The following MRGPRF variants were observed in gnomAD, a reference collection of about 807,000 sequenced individuals.
MRGPRF encodes mas-related G protein-coupled receptor member F.
In MRGPRF, 2 loss-of-function variants were observed where a neutral mutation model predicts 3.3. The observed-to-expected ratio is 0.61, with a 90% confidence interval of 0.25 to 1.92. The LOEUF (loss-of-function observed/expected upper bound fraction) is 1.92. Ranked by LOEUF, MRGPRF falls within the 40% of genes most tolerant of loss-of-function variation. The pLI, the probability that MRGPRF is intolerant of heterozygous loss-of-function variation, is 0.16. For synonymous variants in MRGPRF, 242 were observed against 222.7 expected (o/e 1.09, Z -0.77); for missense variants, 500 against 476.0 (o/e 1.05, Z -0.47).
intron 2 of MRGPRF, among the ~76,000 whole-genome samples, chr11:69,006,619 C>CTTTTTTTT (rs11326908): frequency 5.6e-5 from 6 of 107,922 alleles, no homozygotes; most frequent in African/African-American, 1.1e-4. Flanking sequence ...GAGCCTTTCC[C>CTTTTTTTT]TTTTTTTTTT....
chr11:69,009,106 G>A (rs1860542676), intron 2 of MRGPRF, among the ~76,000 whole-genome samples: 1 of 152,252 alleles, frequency 6.6e-6, no homozygotes, highest in African/African-American at 2.4e-5. Context: ...GGGGAAGAGG[G>A]AGAGGGCCCA....
intron 2 of MRGPRF, 67 bp from the exon 3 acceptor site, chr11:69,006,328 GC>G (rs1213116742): frequency 2.7e-6 from 4 of 1,467,244 alleles, no homozygotes; most frequent in Non-Finnish European, 3.6e-6. Flanking sequence ...TGCATCTGGG[GC>G]CCAGCGTGGG....
chr11:69,006,321 A>G lies in MRGPRF; in HGVS notation c.49-60T>C. The G allele has an allele frequency of 3.4e-6, 5 of 1,470,574 alleles. No homozygotes were observed. The South Asian group carries it at 6.5e-5, about 19-fold the overall frequency. 91.1% of individuals were successfully genotyped at this position (1,470,574 alleles called of 1,614,324 possible). On this transcript the variant is annotated intron_variant, in intron 2 of 2. Coordinates refer to ENST00000309099, the MANE Select transcript of MRGPRF (RefSeq NM_145015.5). ...GGCTGGCCCCCACCCACAGACCTGC[A>G]TCTGGGGCCCAGCGTGGGGGAGGGG...
intron 2 of MRGPRF, among the ~76,000 whole-genome samples, chr11:69,008,506 C>A (rs1420075222): frequency 6.6e-6 from 1 of 152,192 alleles, no homozygotes; most frequent in Non-Finnish European, 1.5e-5. Flanking sequence ...AAGGGAGGGA[C>A]CTCCTAGCCT....
intron 2 of MRGPRF, among the ~76,000 whole-genome samples, chr11:69,006,856 T>G (rs1038137331): frequency 1.3e-5 from 2 of 152,130 alleles, no homozygotes; most frequent in African/African-American, 4.8e-5. Flanking sequence ...ACTCCTGACC[T>G]CAAGTGATCC....
Position 69,005,472 on chromosome 11 carries a change from T to C in MRGPRF, c.838A>G (p.Ile280Val), listed in dbSNP as rs1316969810. The change falls in exon 3 of 3, where the codon ATC becomes GTC. Residue 280 changes from isoleucine (I) to valine (V), a missense_variant. Transcript: ENST00000309099. ...GGCTTGGCGCTGCTGTTGATGCAGA[T>C]GCACAGGTCAGTGACGTACTCGGGG... ...PFPEYVTDLCICINSSAKPIV... is the reference protein window; with the variant it reads ...PFPEYVTDLCVCINSSAKPIV... 2.5e-6 allele frequency: 4 copies of C among 1,588,022 alleles called. No homozygotes were observed. Among genetic ancestry groups the C allele is most frequent in the Admixed American group, 1.8e-5 (1 of 56,256 alleles).
intron 2 of MRGPRF, among the ~76,000 whole-genome samples, chr11:69,007,208 TTTTG>T (rs986688977): frequency 3.3e-5 from 5 of 152,190 alleles, no homozygotes; most frequent in Non-Finnish European, 7.3e-5. Context: ...TGCAATTTAC[TTTTG>T]TTTGTTTGTT....
In MRGPRF at chr11:69,005,270, C is replaced by T. The variant is rs1459603366; in HGVS notation, c.*8G>A. 2.7e-6 allele frequency: 4 copies of T among 1,477,530 alleles called. No individual in the cohort carries two copies. The highest frequency in any genetic ancestry group is 1.4e-5 in the South Asian group (1 of 72,926). The allele number at this position is 1,477,530 out of a possible 1,614,324, so 91.5% of individuals were successfully genotyped here. ...TTCCTGCCCCTGCCTCCTCCAGGCG[C>T]TGGAGTCTCAGGAGGCGTTCCCCGG... On this transcript the variant is annotated 3_prime_UTR_variant, in exon 3 of 3. Coordinates refer to ENST00000309099, the MANE Select transcript of MRGPRF (RefSeq NM_145015.5).
At chr11:69,010,975 C>A (rs1306286576) in intron 1 of MRGPRF, among the ~76,000 whole-genome samples, 2 of 152,156 alleles carry the variant, frequency 1.3e-5, no homozygotes, top group Non-Finnish European at 1.5e-5. Context: ...GGGGGGTAAA[C>A]TGAGGCTGTG....
rs1025889218 is a variant in MRGPRF at position 69,005,998 on chromosome 11, C to T, written c.312G>A (p.Thr104=). Residue 104 remains threonine (T), a synonymous_variant, in exon 3 of 3, where the codon ACG becomes ACA. Coordinates refer to ENST00000309099, the MANE Select transcript of MRGPRF (RefSeq NM_145015.5). ...CGGCAAACGTGCCCAGGAAGCCCCC[C>T]GTGTTCAGGATGGAGAACACCGCCT... ...FSKAVFSILN[T]GGFLGTFADY... is the part of the protein sequence containing the mutation. 23 of 1,566,554 alleles carry T rather than the reference C, an allele frequency of 1.5e-5. No individual in the cohort carries two copies. The highest frequency in any genetic ancestry group is 2.4e-5 in the East Asian group (1 of 42,272).
At position 69,005,597 on chromosome 11, in the gene MRGPRF, T is replaced by C. The variant is rs753106816; in HGVS notation, c.713A>G (p.Asn238Ser). The C allele has an allele frequency of 5.7e-6, 9 of 1,576,116 alleles. No individual in the cohort carries two copies. The South Asian group carries it at 1.0e-4, about 18-fold the overall frequency. ...ARRRQRSAKLNHVILAMVSVF... is the reference protein window; with the variant it reads ...ARRRQRSAKLSHVILAMVSVF... ...GGAGACCATGGCCAGGATGACGTGG[T>C]TGAGCTTGGCAGAGCGCTGGCGCCG... Residue 238 changes from asparagine (N) to serine (S), a missense_variant, in exon 3 of 3, where the codon AAC becomes AGC. Asn to Ser is a conservative substitution (Grantham distance 46). Coordinates refer to ENST00000309099, the MANE Select transcript of MRGPRF (RefSeq NM_145015.5).
chr11:69,011,032 G>A (rs1390702190), intron 1 of MRGPRF, among the ~76,000 whole-genome samples: 2 of 152,216 alleles, frequency 1.3e-5, no homozygotes, highest in African/African-American at 2.4e-5. Flanking sequence ...CAGGCTGCCG[G>A]GCCCCTCCTC....
chr11:69,011,237 C>A (rs1053762187), intron 1 of MRGPRF, among the ~76,000 whole-genome samples: 5 of 152,166 alleles, frequency 3.3e-5, no homozygotes, highest in Non-Finnish European at 4.4e-5. Context: ...GCGCGTGTGG[C>A]CCGCCCCCTC....
chr11:69,010,692 C>T (rs562110775), intron 1 of MRGPRF, among the ~76,000 whole-genome samples: 1 of 152,164 alleles, frequency 6.6e-6, no homozygotes, highest in Non-Finnish European at 1.5e-5. Flanking sequence ...ATTTGTGTTT[C>T]GAGCAGCTGC....
chr11:69,006,645 CAG>C (rs1317803159), intron 2 of MRGPRF, among the ~76,000 whole-genome samples: 1 of 93,384 alleles, frequency 1.1e-5, no homozygotes, highest in Non-Finnish European at 2.0e-5. Flanking sequence ...TTTTTTGAGA[CAG>C]AGTCTCACTC....
Position 69,005,487 on chromosome 11 carries a change from CG to C in MRGPRF, c.822del (p.Tyr274Ter). On this transcript the variant is annotated frameshift_variant, in exon 3 of 3. Transcript: ENST00000309099. LOFTEE classifies it high-confidence loss of function. ...VFQIPAPFPE[Y>X]VTDLCICINS... is the part of the protein sequence containing the mutation. ...TTGATGCAGATGCACAGGTCAGTGA[CG>C]TACTCGGGGAAGGGGGCCGGGATCT... 2 of 1,584,010 alleles carry C rather than the reference CG, an allele frequency of 1.3e-6. No individual in the cohort carries two copies. Among genetic ancestry groups the C allele is most frequent in the Non-Finnish European group, 1.7e-6 (2 of 1,165,184 alleles).
At position 69,005,234 on chromosome 11, in the gene MRGPRF, T is replaced by C. The variant is rs1055310620; in HGVS notation, c.*44A>G. On this transcript the variant is annotated 3_prime_UTR_variant, in exon 3 of 3. Transcript: ENST00000309099. ...CATTCCTGTCCCAAGGCGAAGGGTC[T>C]TGGAGGCCGCTTCCTGCCCCTGCCT... The C allele has an allele frequency of 1.8e-5, 26 of 1,454,038 alleles. No homozygotes were observed. In the Middle Eastern group the frequency reaches 7.4e-4, roughly 41 times the overall value. The allele number at this position is 1,454,038 out of a possible 1,614,324, so 90.1% of individuals were successfully genotyped here.
At position 69,005,388 on chromosome 11, in the gene MRGPRF, C is replaced by G; in HGVS notation, c.922G>C (p.Val308Leu). 1 of 1,576,212 alleles carries G rather than the reference C, an allele frequency of 6.3e-7. No individual in the cohort carries two copies. The highest frequency in any genetic ancestry group is 8.6e-7 in the Non-Finnish European group (1 of 1,161,490). ...KSQRLWEPLRVVFQRALRDGA... is the reference protein window; with the variant it reads ...KSQRLWEPLRLVFQRALRDGA... ...TCCCGCAGGGCCCGCTGGAAGACCACCCTGAGCGGCTCCCACAGCCGCTGC... is the reference window on the plus strand; with the variant it reads ...TCCCGCAGGGCCCGCTGGAAGACCAGCCTGAGCGGCTCCCACAGCCGCTGC... The change falls in exon 3 of 3, where the codon GTG becomes CTG. Residue 308 changes from valine to leucine, a missense_variant. Val to Leu is a conservative substitution (Grantham distance 32). Transcript: ENST00000309099.
At chr11:69,009,641 T>C in intron 2 of MRGPRF, 2 of 673,946 alleles carry the variant, frequency 3.0e-6, no homozygotes, top group Non-Finnish European at 5.4e-6. Flanking sequence ...CCAGTCCTGG[T>C]GCTTGCCTCA....
Sources: allele counts gnomAD v4.1 joint callset (sites outside exome capture counted in the v4.1 genomes callset), GRCh38; gene constraint gnomAD v4.1.1; transcripts MANE v1.5; gene names NCBI Gene and HGNC (gene_info 2026-07-23, HGNC 2026-07-21).